CTH: variants seen among roughly 807,000 people sequenced by gnomAD.
CTH encodes the protein cystathionine gamma-lyase.
Under a neutral mutation model 50.6 loss-of-function variants are expected in CTH, and 41 were observed. That is an observed-to-expected ratio of 0.81 (90% CI 0.63 to 1.05). The LOEUF (loss-of-function observed/expected upper bound fraction) is 1.05, where lower values mean the gene tolerates loss of function less well. Among genes scored for constraint, CTH ranks in the 50% least tolerant of loss-of-function variants. The pLI is 0.00. For missense variants in CTH, 470 were observed against 492.6 expected (o/e 0.95, Z 0.43); for synonymous variants, 156 against 168.9 (o/e 0.92, Z 0.59).
chr1:70,438,551 G>T, intron 10 of CTH, 137 bp from the exon 11 acceptor site: 2 of 835,164 alleles, frequency 2.4e-6, no homozygotes, highest in South Asian at 1.5e-5. Context: ...CTCTTTTTTT[G>T]CCTGTGAATT....
In CTH at chr1:70,438,744, G is replaced by C. The variant is rs750929169; in HGVS notation, c.1109G>C (p.Ser370Thr). Residue 370 changes from serine (S) to threonine (T), a missense_variant, in exon 11 of 12, where the codon AGT becomes ACT. Coordinates refer to ENST00000370938, the MANE Select transcript of CTH (RefSeq NM_001902.6). ...LKNDRDVLGI[S>T]DTLIRLSVGL... ...AATGACAGAGATGTCCTTGGAATTA[G>C]TGACACACTGATTCGACTTTCTGTG... is the stretch of plus-strand genomic sequence containing the variant. 2.5e-6 allele frequency: 4 copies of C among 1,613,936 alleles called. No individual in the cohort carries two copies. Among genetic ancestry groups the C allele is most frequent in the South Asian group, 2.2e-5 (2 of 91,084 alleles).
intron 10 of CTH, among the ~76,000 whole-genome samples, chr1:70,438,451 G>A (rs1684643194): frequency 1.3e-5 from 2 of 152,138 alleles, no homozygotes; most frequent in African/African-American, 2.4e-5. Flanking sequence ...TATTTGGATT[G>A]AGCATATCTT....
Position 70,411,532 on chromosome 1 carries a change from C to T in CTH, c.117C>T (p.Pro39=), listed in dbSNP as rs1683964194. The T allele has an allele frequency of 6.2e-7, 1 of 1,614,056 alleles. No individual in the cohort carries two copies. Among genetic ancestry groups the T allele is most frequent in the African/African-American group, 1.3e-5 (1 of 74,924 alleles). ...AATGGACCTCCAGGGCTGTAGTGCC[C>T]CCCATCTCACTGTCCACCACGTTCA... ...PEQWTSRAVV[P]PISLSTTFKQ... The change falls in exon 1 of 12, where the codon CCC becomes CCT. Residue 39 remains proline, a synonymous_variant. Coordinates refer to ENST00000370938, the MANE Select transcript of CTH (RefSeq NM_001902.6).
At chr1:70,422,318 G>T (rs1051608429) in intron 4 of CTH, among the ~76,000 whole-genome samples, 1 of 152,134 alleles carries the variant, frequency 6.6e-6, no homozygotes, top group African/African-American at 2.4e-5. Flanking sequence ...TGAGTGAATG[G>T]CATATGTGAT....
Position 70,435,151 on chromosome 1 carries a change from A to G in CTH, c.1026A>G (p.Gly342=), listed in dbSNP as rs1419160703. 1 of 1,613,102 alleles carries G rather than the reference A, an allele frequency of 6.2e-7. No homozygotes were observed. The part of the protein sequence containing the change: ...LKLFTLAESL[G]GFESLAELPA... ...TATTTACTCTGGCCGAGAGCTTGGGAGGATTCGAAAGCCTTGCTGAGCTTC... is the reference window on the plus strand; with the variant it reads ...TATTTACTCTGGCCGAGAGCTTGGGGGGATTCGAAAGCCTTGCTGAGCTTC... Residue 342 remains glycine (G), a synonymous_variant, in exon 10 of 12, where the codon GGA becomes GGG. Transcript: ENST00000370938.
At chr1:70,421,499 C>A in intron 3 of CTH, 67 bp from the exon 4 acceptor site, 1 of 1,501,922 alleles carries the variant, frequency 6.7e-7, no homozygotes, top group Non-Finnish European at 9.3e-7. Flanking sequence ...AGTGTTTATA[C>A]ATAGAAGGAA....
chr1:70,433,446 A>G (rs527643593), intron 8 of CTH, among the ~76,000 whole-genome samples: 2 of 152,316 alleles, frequency 1.3e-5, no homozygotes, highest in African/African-American at 4.8e-5. Context: ...GCTTTGCACT[A>G]GGAACTGGGA....
chr1:70,437,279 A>G (rs891107348), intron 10 of CTH, among the ~76,000 whole-genome samples: 3 of 152,234 alleles, frequency 2.0e-5, no homozygotes, highest in Non-Finnish European at 4.4e-5. Context: ...GTTAGCACCT[A>G]CTATGAACTA....
intron 2 of CTH, among the ~76,000 whole-genome samples, chr1:70,417,021 C>T (rs1684108051): frequency 6.6e-6 from 1 of 152,016 alleles, no homozygotes; most frequent in African/African-American, 2.4e-5. Flanking sequence ...GGTTTATTCA[C>T]CTAATAATTT....
At chr1:70,414,537 A>G (rs974385940) in intron 1 of CTH, among the ~76,000 whole-genome samples, 1 of 152,166 alleles carries the variant, frequency 6.6e-6, no homozygotes, top group African/African-American at 2.4e-5. Context: ...ACAAGGGCAC[A>G]TAGCAACAAA....
At chr1:70,422,198 G>T (rs79671038) in intron 4 of CTH, among the ~76,000 whole-genome samples, 269 of 152,280 alleles carry the variant, frequency 1.8e-3, no homozygotes, top group African/African-American at 6.3e-3. Context: ...GGCTTTGCCG[G>T]GCTGTAAGGG....
intron 3 of CTH, among the ~76,000 whole-genome samples, chr1:70,419,766 G>T (rs966300701): frequency 2.6e-5 from 4 of 152,162 alleles, no homozygotes; most frequent in African/African-American, 9.7e-5. Flanking sequence ...GGTGAATGTG[G>T]AGAAGACAGG....
chr1:70,432,376 C>A, intron 8 of CTH, 141 bp downstream of exon 8: 2 of 1,022,068 alleles, frequency 2.0e-6, no homozygotes, highest in South Asian at 1.5e-5. Context: ...TGCCATGTGT[C>A]AGGCTCTGTG....
chr1:70,434,887 G>A, intron 9 of CTH: 2 of 357,746 alleles, frequency 5.6e-6, no homozygotes, highest in South Asian at 4.6e-5. Flanking sequence ...CAGGTAGCTG[G>A]GATTACAGGT....
intron 8 of CTH, 112 bp downstream of exon 8, chr1:70,432,347 T>C: frequency 3.0e-6 from 4 of 1,333,086 alleles, no homozygotes; most frequent in Non-Finnish European, 4.2e-6. Flanking sequence ...ATTGTTTTTG[T>C]TCATTTATTA....
chr1:70,437,869 C>A (rs1684630769), intron 10 of CTH, among the ~76,000 whole-genome samples: 1 of 152,126 alleles, frequency 6.6e-6, no homozygotes, highest in Admixed American at 6.5e-5. Context: ...AAGTAAGATG[C>A]TAAACCTCTC....
intron 11 of CTH, 38 bp from the exon 12 acceptor site, chr1:70,439,063 G>A: frequency 6.3e-7 from 1 of 1,597,274 alleles, no homozygotes; most frequent in South Asian, 1.1e-5. Context: ...TGGCCTATAT[G>A]TTTAATAACA....
intron 5 of CTH, among the ~76,000 whole-genome samples, chr1:70,426,263 C>A (rs1297562348): frequency 1.3e-5 from 2 of 152,168 alleles, no homozygotes; most frequent in African/African-American, 2.4e-5. Context: ...CTCTGAGTAA[C>A]CCAACTCTTT....
chr1:70,434,271 A>G (rs1393919025), intron 9 of CTH, among the ~76,000 whole-genome samples: 1 of 152,220 alleles, frequency 6.6e-6, no homozygotes, highest in Non-Finnish European at 1.5e-5. Flanking sequence ...TGCACTGCAC[A>G]AGGGCTGTTC....
Sources: allele counts gnomAD v4.1 joint callset (sites outside exome capture counted in the v4.1 genomes callset), GRCh38; gene constraint gnomAD v4.1.1; transcripts MANE v1.5; gene names NCBI Gene and HGNC (gene_info 2026-07-23, HGNC 2026-07-21).